DISP3: variants seen among roughly 807,000 people sequenced by gnomAD.
The protein encoded by DISP3 is protein dispatched homolog 3.
Under a neutral mutation model 135.3 loss-of-function variants are expected in DISP3, and 101 were observed. The observed-to-expected ratio is 0.75, with a 90% CI of 0.64 to 0.88. The LOEUF (loss-of-function observed/expected upper bound fraction) is 0.88. Ranked by LOEUF, DISP3 falls within the 40% of genes least tolerant of loss-of-function variation. The pLI, the probability that DISP3 is intolerant of heterozygous loss-of-function variation, is 0.00. For missense variants in DISP3, 1,713 were observed against 1,878.6 expected (o/e 0.91, Z 1.63); for synonymous variants, 856 against 817.0 (o/e 1.05, Z -0.81).
intron 3 of DISP3, among the ~76,000 whole-genome samples, chr1:11,513,119 C>A (rs975557898): frequency 6.6e-6 from 1 of 151,782 alleles, no homozygotes; most frequent in Admixed American, 6.6e-5. Flanking sequence ...ACCATCTCTA[C>A]TAAAAAATAA....
chr1:11,501,804 C>T lies in DISP3; in HGVS notation c.812C>T (p.Ala271Val). 1 of 1,606,664 alleles carries T rather than the reference C, an allele frequency of 6.2e-7. No homozygotes were observed. ...AYVSANTQTH[A>V]HWRIELIFLA... ...GTGAGTGCCAACACTCAGACGCACG[C>T]GCACTGGCGCATCGAGCTCATCTTC... Residue 271 changes from alanine to valine, a missense_variant, in exon 2 of 21, where the codon GCG becomes GTG. Physicochemically the swap from Ala to Val is moderately conservative, Grantham distance 64. Coordinates refer to ENST00000294484, the MANE Select transcript of DISP3 (RefSeq NM_020780.2). The surrounding 1 kb of genome is among the most constrained non-coding windows in gnomAD (Gnocchi z 4.9).
chr1:11,536,739 G>A lies in DISP3; in HGVS notation c.*53G>A, dbSNP rs545259469. On this transcript the variant is annotated 3_prime_UTR_variant, in exon 21 of 21. Coordinates refer to ENST00000294484, the MANE Select transcript of DISP3 (RefSeq NM_020780.2). The surrounding 1 kb of genome is among the most constrained non-coding windows in gnomAD (Gnocchi z 4.3). ...CTTTGGTCCCATGGGTGGGGGACAG[G>A]AGCTGCTTCCCAGCTCGACTTCAGC... 1.7e-5 allele frequency: 25 copies of A among 1,462,376 alleles called. No individual in the cohort carries two copies. The South Asian group carries it at 2.8e-4, about 17-fold the overall frequency. The allele number at this position is 1,462,376 out of a possible 1,614,324, so 90.6% of individuals were successfully genotyped here.
Position 11,522,694 on chromosome 1 carries a change from GGCCCAGCCAGGA to G in DISP3, c.2363-1247_2363-1236del, listed in dbSNP as rs1642254566. On this transcript the variant is annotated intron_variant, in intron 10 of 20. Coordinates refer to ENST00000294484, the MANE Select transcript of DISP3 (RefSeq NM_020780.2). ...CAGGACCCAGCCAGAGCCCAGCCAG[GGCCCAGCCAGGA>G]CCCAGCCAGGGCCCAGCCAGGGCCC... is the stretch of plus-strand genomic sequence containing the variant. 9.2e-4 allele frequency among the ~76,000 whole-genome samples: 79 copies of G among 85,628 alleles called. 2 individuals are homozygous for G. The highest frequency in any genetic ancestry group is 1.4e-3 in the Non-Finnish European group (68 of 46,912). 56.2% of individuals were successfully genotyped at this position (85,628 alleles called of 152,430 possible).
chr1:11,517,786 A>C (rs1642056260), intron 7 of DISP3, among the ~76,000 whole-genome samples, 184 bp downstream of exon 7: 1 of 152,220 alleles, frequency 6.6e-6, no homozygotes, highest in Non-Finnish European at 1.5e-5. Flanking sequence ...TGTCACCAGG[A>C]AGTGAGCAAA....
chr1:11,492,201 C>T (rs920716044), intron 1 of DISP3, among the ~76,000 whole-genome samples: 1 of 151,976 alleles, frequency 6.6e-6, no homozygotes, highest in Admixed American at 6.6e-5. Context: ...ATCACCATCC[C>T]CATTTTACAG....
At chr1:11,505,289 C>G (rs1641664615) in intron 3 of DISP3, among the ~76,000 whole-genome samples, 1 of 152,100 alleles carries the variant, frequency 6.6e-6, no homozygotes, top group East Asian at 1.9e-4. Flanking sequence ...TGGGCCAAGC[C>G]CCAGCACAAG....
At chr1:11,495,872 C>T (rs535049815) in intron 1 of DISP3, among the ~76,000 whole-genome samples, 1 of 152,334 alleles carries the variant, frequency 6.6e-6, no homozygotes, top group East Asian at 1.9e-4. Flanking sequence ...GCCCTCCTCC[C>T]CTGCCTATTA....
Position 11,529,463 on chromosome 1 carries a change from C to A in DISP3, c.2799-93C>A. 1 of 1,429,110 alleles carries A rather than the reference C, an allele frequency of 7.0e-7. No homozygotes were observed. Among genetic ancestry groups the A allele is most frequent in the Non-Finnish European group, 9.5e-7 (1 of 1,056,988 alleles). The allele number at this position is 1,429,110 out of a possible 1,614,324, so 88.5% of individuals were successfully genotyped here. On this transcript the variant is annotated intron_variant, in intron 13 of 20. Transcript: ENST00000294484. This position sits in a 1 kb window ranked among gnomAD's most constrained non-coding sequence, Gnocchi z 4.7. ...GCCCGAGTCCAGACCCCATGACACC[C>A]CAGCCCCAGTCCCAACCCTGGCCTG...
At chr1:11,525,062 C>T (rs1642372855) in intron 11 of DISP3, 114 bp from the exon 12 acceptor site, 1 of 1,329,342 alleles carries the variant, frequency 7.5e-7, no homozygotes. Context: ...TGAGATGAGC[C>T]CAAGGCCAGG....
intron 1 of DISP3, among the ~76,000 whole-genome samples, chr1:11,490,057 T>C (rs2100367956): frequency 6.6e-6 from 1 of 152,138 alleles, no homozygotes; most frequent in South Asian, 2.1e-4. Flanking sequence ...GAGGTTCCTC[T>C]GTACTTGGCA....
At position 11,483,166 on chromosome 1, in the gene DISP3, G is replaced by A. The variant is rs1008639924; in HGVS notation, c.-4+3794G>A. On this transcript the variant is annotated intron_variant, in intron 1 of 20. Coordinates refer to ENST00000294484, the MANE Select transcript of DISP3 (RefSeq NM_020780.2). The surrounding 1 kb of genome is among the most constrained non-coding windows in gnomAD (Gnocchi z 5.4). Reference sequence around the variant, plus strand: ...CTGGCCGCTGGGAGACCAGACAGCCGCACTCCACTCTGCACCAGCTGGAAG... The same window carrying A: ...CTGGCCGCTGGGAGACCAGACAGCCACACTCCACTCTGCACCAGCTGGAAG... Among the ~76,000 whole-genome samples the A allele has an allele frequency of 6.6e-6, 1 of 152,198 alleles. No homozygotes were observed. Among genetic ancestry groups the A allele is most frequent in the Non-Finnish European group, 1.5e-5 (1 of 68,036 alleles).
intron 1 of DISP3, among the ~76,000 whole-genome samples, chr1:11,496,156 C>G (rs962162223): frequency 1.3e-5 from 2 of 151,510 alleles, no homozygotes; most frequent in African/African-American, 4.9e-5. Context: ...GCAGATATGG[C>G]TTTGGATTTC....
At chr1:11,524,750 A>T (rs1570136723) in intron 11 of DISP3, among the ~76,000 whole-genome samples, 1 of 60,982 alleles carries the variant, frequency 1.6e-5, no homozygotes, top group African/African-American at 7.0e-5. Flanking sequence ...CTCCCCCACC[A>T]TCCCTGCCAC....
rs1276858844 is a variant in DISP3 at position 11,520,250 on chromosome 1, A to G, written c.2200+370A>G. Among the ~76,000 whole-genome samples, 1 of 152,204 alleles carries G rather than the reference A, an allele frequency of 6.6e-6. No homozygotes were observed. The highest frequency in any genetic ancestry group is 1.5e-5 in the Non-Finnish European group (1 of 68,036). On this transcript the variant is annotated intron_variant, in intron 9 of 20. Transcript: ENST00000294484. This position sits in a 1 kb window ranked among gnomAD's most constrained non-coding sequence, Gnocchi z 4.8. ...GTAATTGAGGATGAGAACGGTGGCT[A>G]GGAAGGCAGCTGTCAGTGGAGAGTA...
chr1:11,533,970 G>A lies in DISP3; in HGVS notation c.3376-411G>A, dbSNP rs1327492559. 1.0e-5 allele frequency: 7 copies of A among 679,928 alleles called. No homozygotes were observed. The African/African-American group carries it at 1.2e-4, about 12-fold the overall frequency. 42.1% of individuals were successfully genotyped at this position (679,928 alleles called of 1,614,324 possible). ...GGTTGCCAGGCAGTGACAAGAGCAG[G>A]GGAAGCACTGAGGGTTTGGAGACAC... On this transcript the variant is annotated intron_variant, in intron 17 of 20. Transcript: ENST00000294484.
chr1:11,482,961 T>C (rs1640942179), intron 1 of DISP3, among the ~76,000 whole-genome samples: 1 of 152,236 alleles, frequency 6.6e-6, no homozygotes, highest in South Asian at 2.1e-4. Flanking sequence ...AAGAGAGCAG[T>C]GTCGGCCCAA....
intron 19 of DISP3, among the ~76,000 whole-genome samples, 154 bp from the exon 20 acceptor site, chr1:11,535,322 ATG>A (rs751287038): frequency 1.3e-5 from 2 of 152,130 alleles, no homozygotes; most frequent in East Asian, 3.9e-4. Context: ...CAGCTCAGTG[ATG>A]TGTTACTGCA....
intron 3 of DISP3, among the ~76,000 whole-genome samples, chr1:11,503,858 G>A (rs1439994182): frequency 1.3e-5 from 2 of 152,198 alleles, no homozygotes; most frequent in Non-Finnish European, 2.9e-5. Flanking sequence ...TGGAGAACAC[G>A]ATTCTGGCTG....
Position 11,516,924 on chromosome 1 carries a change from G to T in DISP3, c.1750-539G>T, listed in dbSNP as rs1642028950. The stretch of plus-strand genomic sequence containing the variant: ...GTGTGGATTATCCAGGGACTGAGAT[G>T]CGAGGATGATTGTGAAAGTGTTTCA... On this transcript the variant is annotated intron_variant, in intron 6 of 20. Transcript: ENST00000294484. The surrounding 1 kb of genome is among the most constrained non-coding windows in gnomAD (Gnocchi z 5.1). Among the ~76,000 whole-genome samples, 1 of 152,174 alleles carries T rather than the reference G, an allele frequency of 6.6e-6. No homozygotes were observed. Among genetic ancestry groups the T allele is most frequent in the Non-Finnish European group, 1.5e-5 (1 of 68,038 alleles).
Sources: gnomAD v4.1 joint callset for allele counts (sites outside exome capture counted in the v4.1 genomes callset) on GRCh38, gnomAD v4.1.1 for gene constraint, Gnocchi (gnomAD v3.1) non-coding constraint, MANE v1.5 for transcripts, NCBI Gene and HGNC (gene_info 2026-07-23, HGNC 2026-07-21) for gene names.